The following ATP13A1 variants were observed in gnomAD, a reference collection of about 807,000 sequenced individuals.
ATP13A1 encodes endoplasmic reticulum transmembrane helix translocase.
A neutral mutation model predicts 134.8 loss-of-function variants in ATP13A1; 55 were observed. That is an observed-to-expected ratio of 0.41 (90% CI 0.33 to 0.51). The LOEUF is 0.51. ATP13A1 is among the 20% of genes least tolerant of loss of function. The pLI, the probability that ATP13A1 is intolerant of heterozygous loss-of-function variation, is 0.29. For missense variants in ATP13A1, 1,389 were observed against 1,652.8 expected, an observed-to-expected ratio of 0.84 and a Z score of 2.77; for synonymous variants, 775 against 725.1, an observed-to-expected ratio of 1.07 and a Z score of -1.10.
intron 17 of ATP13A1, 74 bp from the exon 18 acceptor site, chr19:19,650,014 C>A (rs1021476964): frequency 1.3e-4 from 183 of 1,355,788 alleles, no homozygotes; most frequent in Non-Finnish European, 1.8e-4. Context: ...TCCACTCGGA[C>A]CCCAGCACCA....
Position 19,655,478 on chromosome 19 carries a change from T to C in ATP13A1, c.1397-25A>G, listed in dbSNP as rs1340320630. The C allele has an allele frequency of 9.9e-6, 16 of 1,613,956 alleles. No individual in the cohort carries two copies. Among genetic ancestry groups the C allele is most frequent in the Non-Finnish European group, 1.4e-5 (16 of 1,179,868 alleles). On this transcript the variant is annotated intron_variant, in intron 10 of 25. Coordinates refer to ENST00000357324, the MANE Select transcript of ATP13A1 (RefSeq NM_020410.3). The surrounding 1 kb of genome is among the most constrained non-coding windows in gnomAD (Gnocchi z 5.7). ...CCTGTGGAGACAGGGCCTGCCAACC[T>C]GGAGCCTCGGAGGGTGGGCGCAGGG...
At position 19,646,551 on chromosome 19, in the gene ATP13A1, C is replaced by T. The variant is rs377258845; in HGVS notation, c.3106-204G>A. 665 of 630,264 alleles carry T rather than the reference C, an allele frequency of 1.1e-3. 9 individuals carry two copies. The East Asian group carries it at 0.015, about 14-fold the overall frequency. 39.0% of individuals were successfully genotyped at this position (630,264 alleles called of 1,614,324 possible). On this transcript the variant is annotated intron_variant, in intron 22 of 25. Transcript: ENST00000357324. The stretch of plus-strand genomic sequence containing the variant: ...GAGCCCAGGGCTGCCTCCCTGGCCC[C>T]GGCTCCGCCATCCAGGCTCCCCATG...
chr19:19,663,610 C>A lies in ATP13A1; in HGVS notation c.57G>T (p.Gly19=), dbSNP rs570977407. The A allele has an allele frequency of 3.3e-5, 46 of 1,386,972 alleles. No homozygotes were observed. The highest frequency in any genetic ancestry group is 4.2e-5 in the Non-Finnish European group (45 of 1,079,334). The allele number at this position is 1,386,972 out of a possible 1,614,324, so 85.9% of individuals were successfully genotyped here. ...GCTTGGGCTGCCCGTCAGGCCGGAC[C>A]CCGCAAGGCCGGGCCCCGCAGGGCA... is the stretch of plus-strand genomic sequence containing the variant. ...NAVPCGARPC[G]VRPDGQPKPG... Residue 19 remains glycine, a synonymous_variant, in exon 1 of 26, where the codon GGG becomes GGT. Coordinates refer to ENST00000357324, the MANE Select transcript of ATP13A1 (RefSeq NM_020410.3).
Position 19,649,690 on chromosome 19 carries a change from G to A in ATP13A1, c.2536-27C>T, listed in dbSNP as rs778365662. On this transcript the variant is annotated intron_variant, in intron 18 of 25. Transcript: ENST00000357324. Reference sequence around the variant, plus strand: ...TGTATGGGCGGAGACAGGCTGAGCAGGGGCTGCGTGCCTACCGCTGTGCCC... The same window carrying A: ...TGTATGGGCGGAGACAGGCTGAGCAAGGGCTGCGTGCCTACCGCTGTGCCC... 6.2e-6 allele frequency: 10 copies of A among 1,613,590 alleles called. No homozygotes were observed. The Admixed American group carries it at 1.5e-4, about 24-fold the overall frequency.
At position 19,645,261 on chromosome 19, in the gene ATP13A1, C is replaced by T; in HGVS notation, c.*161G>A. 1.3e-6 allele frequency: 1 copy of T among 786,620 alleles called. No homozygotes were observed. Among genetic ancestry groups the T allele is most frequent in the South Asian group, 1.8e-5 (1 of 54,400 alleles). The allele number at this position is 786,620 out of a possible 1,614,324, so 48.7% of individuals were successfully genotyped here. On this transcript the variant is annotated 3_prime_UTR_variant, in exon 26 of 26. Transcript: ENST00000357324. This position sits in a 1 kb window ranked among gnomAD's most constrained non-coding sequence, Gnocchi z 4.1. ...GCTGGCTTGGGGCTGGTTCTGCTGG[C>T]CAAGCCAGCGGATGGCTGTGGGGGT...
rs764406168 is a variant in ATP13A1, at chr19:19,655,211, G to A, written c.1563C>T (p.Ile521=). The A allele has an allele frequency of 2.5e-6, 4 of 1,614,046 alleles. No individual in the cohort carries two copies. The highest frequency in any genetic ancestry group is 3.4e-6 in the Non-Finnish European group (4 of 1,179,900). ...LYMYCTEPFR[I]PFAGKVEVCC... is the part of the protein sequence containing the mutation. ...ACACCTCGACCTTGCCAGCAAAGGGGATCCGGAAGGGCTCTGTGCAGTACA... is the reference window on the plus strand; with the variant it reads ...ACACCTCGACCTTGCCAGCAAAGGGAATCCGGAAGGGCTCTGTGCAGTACA... The change falls in exon 12 of 26, where the codon ATC becomes ATT. Residue 521 remains isoleucine (I), a synonymous_variant. Transcript: ENST00000357324. The surrounding 1 kb of genome is among the most constrained non-coding windows in gnomAD (Gnocchi z 5.7).
At chr19:19,646,616 C>T (rs1303390576) in intron 22 of ATP13A1, 4 of 535,218 alleles carry the variant, frequency 7.5e-6, no homozygotes, top group Non-Finnish European at 1.3e-5. Flanking sequence ...CAGATCCTGC[C>T]CTCCCTGGAG....
At chr19:19,646,453 C>G (rs10423311) in intron 22 of ATP13A1, 106 bp from the exon 23 acceptor site, 345,976 of 1,321,002 alleles carry the variant, frequency 0.26, 46,390 homozygotes, top group African/African-American at 0.43. Flanking sequence ...ACCTTGTGTA[C>G]AGCCACCACC....
chr19:19,652,241 C>T, intron 16 of ATP13A1, among the ~76,000 whole-genome samples: 1 of 152,146 alleles, frequency 6.6e-6, no homozygotes, highest in East Asian at 1.9e-4. Flanking sequence ...AAATAGAAAA[C>T]ACAAGCCACC....
rs144490693 is a variant in ATP13A1 at position 19,652,732 on chromosome 19, CAG to C, written c.2101-14_2101-13del. ...TTGACCTCCCGGGCCTGCGGACAGACAGGGGCACCCTCACCATCTGTCCCTCC... is the reference window on the plus strand; with the variant it reads ...TTGACCTCCCGGGCCTGCGGACAGACGGGCACCCTCACCATCTGTCCCTCC... On this transcript the variant is annotated splice_polypyrimidine_tract_variant and intron_variant, in intron 15 of 25. Transcript: ENST00000357324. 1.0e-3 allele frequency: 1,604 copies of C among 1,597,956 alleles called. 17 individuals are homozygous for C. The African/African-American group carries it at 0.018, about 17-fold the overall frequency.
intron 1 of ATP13A1, among the ~76,000 whole-genome samples, chr19:19,661,167 C>G (rs905771838): frequency 2.0e-5 from 3 of 152,172 alleles, no homozygotes; most frequent in African/African-American, 7.2e-5. Context: ...GCTGGGTGCA[C>G]AGACAGCACC....
At position 19,655,037 on chromosome 19, in the gene ATP13A1, T is replaced by C. The variant is rs879008687; in HGVS notation, c.1655+82A>G. 6.4e-7 allele frequency: 1 copy of C among 1,571,826 alleles called. No homozygotes were observed. ...TCTGACGGGCCCTCACTGCAAGGGC[T>C]TGGGGTGGATGGGCCACCTGTCTCT... On this transcript the variant is annotated intron_variant, in intron 12 of 25. Transcript: ENST00000357324. The surrounding 1 kb of genome is among the most constrained non-coding windows in gnomAD (Gnocchi z 5.7).
Position 19,656,930 on chromosome 19 carries a change from G to A in ATP13A1, c.907-14C>T. The A allele has an allele frequency of 6.2e-7, 1 of 1,608,128 alleles. No individual in the cohort carries two copies. On this transcript the variant is annotated splice_polypyrimidine_tract_variant and intron_variant, in intron 5 of 25. Coordinates refer to ENST00000357324, the MANE Select transcript of ATP13A1 (RefSeq NM_020410.3). This position sits in a 1 kb window ranked among gnomAD's most constrained non-coding sequence, Gnocchi z 4.6. ...GCTTCGGTAGACCTGGGCGGGGCATGGGTGTCAGCACAGAAGCCGCACCTG... is the reference window on the plus strand; with the variant it reads ...GCTTCGGTAGACCTGGGCGGGGCATAGGTGTCAGCACAGAAGCCGCACCTG...
At chr19:19,658,675 GT>G (rs2145016787) in intron 3 of ATP13A1, among the ~76,000 whole-genome samples, 1 of 152,336 alleles carries the variant, frequency 6.6e-6, no homozygotes, top group East Asian at 1.9e-4. Flanking sequence ...AGCATTTGCA[GT>G]TTTGGTGAAG....
chr19:19,647,697 T>C lies in ATP13A1; in HGVS notation c.2695A>G (p.Ser899Gly). 2 of 1,611,488 alleles carry C rather than the reference T, an allele frequency of 1.2e-6. No homozygotes were observed. Among genetic ancestry groups the C allele is most frequent in the Non-Finnish European group, 1.7e-6 (2 of 1,179,668 alleles). ...VVERRRRPRD[S>G]PTLSNSGIRA... ...ATGCCACTGTTGCTCAGGGTTGGGC[T>C]GTCCCGGGGCCGCCGTCGCCGCTCG... Residue 899 changes from serine (S) to glycine (G), a missense_variant, in exon 20 of 26, where the codon AGC becomes GGC. Ser to Gly is a moderately conservative substitution (Grantham distance 56). Coordinates refer to ENST00000357324, the MANE Select transcript of ATP13A1 (RefSeq NM_020410.3). The surrounding 1 kb of genome is among the most constrained non-coding windows in gnomAD (Gnocchi z 4.8).
intron 17 of ATP13A1, chr19:19,651,211 C>A (rs183933718): frequency 6.6e-6 from 1 of 152,470 alleles, no homozygotes; most frequent in Non-Finnish European, 1.5e-5. Flanking sequence ...GAGGGACCAA[C>A]GCAGTAACAC....
Position 19,655,169 on chromosome 19 carries a change from C to G in ATP13A1, c.1605G>C (p.Thr535=). ...GKVEVCCFDK[T]GTLTSDSLVV... The stretch of plus-strand genomic sequence containing the variant: ...CCAGGCTGTCACTGGTCAACGTCCC[C>G]GTCTTGTCAAAGCAGCACACCTCGA... Residue 535 remains threonine (T), a synonymous_variant, in exon 12 of 26, where the codon ACG becomes ACC. Coordinates refer to ENST00000357324, the MANE Select transcript of ATP13A1 (RefSeq NM_020410.3). The surrounding 1 kb of genome is among the most constrained non-coding windows in gnomAD (Gnocchi z 5.7). 1 of 1,614,008 alleles carries G rather than the reference C, an allele frequency of 6.2e-7. No homozygotes were observed. The highest frequency in any genetic ancestry group is 8.5e-7 in the Non-Finnish European group (1 of 1,179,894).
chr19:19,652,734 G>C lies in ATP13A1; in HGVS notation c.2101-14C>G, dbSNP rs749855186. The C allele has an allele frequency of 7.5e-6, 12 of 1,594,266 alleles. No homozygotes were observed. Among genetic ancestry groups the C allele is most frequent in the Non-Finnish European group, 1.0e-5 (12 of 1,174,700 alleles). The stretch of plus-strand genomic sequence containing the variant: ...GACCTCCCGGGCCTGCGGACAGACA[G>C]GGGCACCCTCACCATCTGTCCCTCC... On this transcript the variant is annotated splice_polypyrimidine_tract_variant and intron_variant, in intron 15 of 25. Transcript: ENST00000357324.
chr19:19,654,512 C>T, intron 13 of ATP13A1, 31 bp downstream of exon 13: 1 of 1,573,376 alleles, frequency 6.4e-7, no homozygotes, highest in Non-Finnish European at 8.6e-7. Flanking sequence ...AGTGGCTCCC[C>T]CTTGCTGGGC....
Sources: allele counts gnomAD v4.1 joint callset (sites outside exome capture counted in the v4.1 genomes callset), GRCh38; gene constraint gnomAD v4.1.1; non-coding constraint Gnocchi (gnomAD v3.1); transcripts MANE v1.5; gene names NCBI Gene and HGNC (gene_info 2026-07-23, HGNC 2026-07-21).